Variants in DGKB observed in about 807,000 individuals in gnomAD.
DGKB encodes diacylglycerol kinase beta, also known as 90 kDa diacylglycerol kinase.
DGKB carries 67 observed loss-of-function variants against 114.3 expected under a neutral mutation model. The ratio of observed to expected loss-of-function variants is 0.59; its 90% CI spans 0.48 to 0.72. The LOEUF is 0.72. DGKB is among the 30% of genes least tolerant of loss of function. The probability of loss-of-function intolerance (pLI) is 0.00; values close to 1 mark genes in which losing one functional copy is unlikely to be tolerated. For missense variants in DGKB, 907 were observed against 975.2 expected (o/e 0.93, Z 0.93); for synonymous variants, 398 against 323.1 (o/e 1.23, Z -2.49).
At chr7:14,319,244 A>T (rs1807257638) in intron 23 of DGKB, among the ~76,000 whole-genome samples, 4 of 151,508 alleles carry the variant, frequency 2.6e-5, no homozygotes, top group African/African-American at 9.7e-5. Flanking sequence ...GTATGTAACT[A>T]ACCTGCACAA....
intron 2 of DGKB, among the ~76,000 whole-genome samples, chr7:14,803,460 G>A (rs1842428198): frequency 6.6e-6 from 1 of 152,136 alleles, no homozygotes; most frequent in African/African-American, 2.4e-5. Flanking sequence ...TGATTACAAT[G>A]TAACTAAACA....
In DGKB at chr7:14,768,872, C is replaced by T. The variant is rs187198623; in HGVS notation, c.71-11141G>A. Reference sequence around the variant, plus strand: ...TGTACAAAATGGCACCTTTCACAATCTATGTTCTTACATTGGAACATTTGT... The same window carrying T: ...TGTACAAAATGGCACCTTTCACAATTTATGTTCTTACATTGGAACATTTGT... On this transcript the variant is annotated intron_variant, in intron 2 of 25. Coordinates refer to ENST00000402815, the MANE Select transcript of DGKB (RefSeq NM_001350709.2). 3.8e-3 allele frequency among the ~76,000 whole-genome samples: 580 copies of T among 151,978 alleles called. 4 individuals carry two copies. The highest frequency in any genetic ancestry group is 6.8e-3 in the Middle Eastern group (2 of 294).
intron 2 of DGKB, among the ~76,000 whole-genome samples, chr7:14,781,549 A>G (rs1839088298): frequency 6.6e-6 from 1 of 152,092 alleles, no homozygotes; most frequent in South Asian, 2.1e-4. Context: ...TCTCTTAATC[A>G]CAATTTTTCC....
At chr7:14,216,051 A>G (rs1788906039) in intron 23 of DGKB, among the ~76,000 whole-genome samples, 1 of 152,196 alleles carries the variant, frequency 6.6e-6, no homozygotes. Flanking sequence ...AGCAGATAAC[A>G]TTCTTGCCTT....
At chr7:14,241,099 G>A (rs1349631285) in intron 23 of DGKB, among the ~76,000 whole-genome samples, 3 of 152,132 alleles carry the variant, frequency 2.0e-5, no homozygotes, top group Non-Finnish European at 4.4e-5. Flanking sequence ...CCTAGATTAA[G>A]CCTTTCAGAG....
intron 21 of DGKB, among the ~76,000 whole-genome samples, chr7:14,443,422 C>T (rs1360873349): frequency 6.6e-6 from 1 of 152,086 alleles, no homozygotes. Context: ...TTTAGCACTT[C>T]CTTAAGTGAA....
chr7:14,576,941 T>C (rs190191734), intron 19 of DGKB, among the ~76,000 whole-genome samples: 74 of 152,302 alleles, frequency 4.9e-4, no homozygotes, highest in African/African-American at 1.6e-3. Context: ...GTGATTCACA[T>C]AGATAAACTC....
At chr7:14,536,987 A>C (rs2128608398) in intron 20 of DGKB, among the ~76,000 whole-genome samples, 1 of 152,320 alleles carries the variant, frequency 6.6e-6, no homozygotes, top group Admixed American at 6.5e-5. Flanking sequence ...ATAGGTAGTA[A>C]ACACAGAAAA....
At chr7:14,827,778 T>C (rs1845894758) in intron 2 of DGKB, among the ~76,000 whole-genome samples, 1 of 152,142 alleles carries the variant, frequency 6.6e-6, no homozygotes, top group Non-Finnish European at 1.5e-5. Context: ...GATCCTGTGT[T>C]GTAGACAATG....
chr7:14,654,945 G>T (rs1291351878), intron 13 of DGKB, among the ~76,000 whole-genome samples: 1 of 151,772 alleles, frequency 6.6e-6, no homozygotes, highest in East Asian at 1.9e-4. Flanking sequence ...AACAGAGGGG[G>T]ATTTCTTTGG....
At chr7:14,644,622 G>C (rs1001292057) in intron 13 of DGKB, among the ~76,000 whole-genome samples, 6 of 152,032 alleles carry the variant, frequency 3.9e-5, no homozygotes, top group African/African-American at 1.4e-4. Flanking sequence ...CTTAAAGACA[G>C]ATCTTTTGAA....
At chr7:14,199,552 C>T (rs1432767284) in intron 23 of DGKB, among the ~76,000 whole-genome samples, 3 of 151,932 alleles carry the variant, frequency 2.0e-5, no homozygotes, top group Non-Finnish European at 4.4e-5. Flanking sequence ...AACTTAGAAG[C>T]AGAAATAAAA....
intron 20 of DGKB, among the ~76,000 whole-genome samples, chr7:14,550,130 A>C (rs1462999218): frequency 6.6e-6 from 1 of 152,192 alleles, no homozygotes; most frequent in Non-Finnish European, 1.5e-5. Context: ...ACAGATAAAA[A>C]CAAATTATTC....
intron 1 of DGKB, among the ~76,000 whole-genome samples, chr7:14,970,870 G>A (rs942858801): frequency 7.9e-5 from 12 of 152,170 alleles, no homozygotes; most frequent in African/African-American, 2.9e-4. Context: ...AGGCTGGAGT[G>A]CAGATGGACA....
chr7:14,904,488 A>T (rs1783563570), upstream of DGKB, among the ~76,000 whole-genome samples: 1 of 152,268 alleles, frequency 6.6e-6, no homozygotes. Context: ...AAGGAAGAAA[A>T]TAACCCAAAA....
chr7:14,328,587 G>A (rs1334946887), intron 23 of DGKB, among the ~76,000 whole-genome samples: 1 of 151,930 alleles, frequency 6.6e-6, no homozygotes, highest in Non-Finnish European at 1.5e-5. Context: ...CTCTCAACGA[G>A]GAGCAATCTT....
At chr7:14,564,179 T>A (rs2128679665) in intron 20 of DGKB, among the ~76,000 whole-genome samples, 1 of 152,338 alleles carries the variant, frequency 6.6e-6, no homozygotes, top group South Asian at 2.1e-4. Context: ...GTTAAGCCAC[T>A]GCCTGTATTC....
At chr7:14,262,672 G>T (rs1207925966) in intron 23 of DGKB, among the ~76,000 whole-genome samples, 1 of 152,158 alleles carries the variant, frequency 6.6e-6, no homozygotes, top group African/African-American at 2.4e-5. Flanking sequence ...TCAGAGCCAG[G>T]CATCTTTCTC....
intron 21 of DGKB, among the ~76,000 whole-genome samples, chr7:14,408,388 C>T (rs6962861): frequency 0.74 from 113,137 of 151,896 alleles, 42,726 homozygotes; most frequent in Non-Finnish European, 0.81. Flanking sequence ...TTTATGTGAC[C>T]GGTATGGTTC....
Sources: gnomAD v4.1 joint callset for allele counts (sites outside exome capture counted in the v4.1 genomes callset) on GRCh38, gnomAD v4.1.1 for gene constraint, MANE v1.5 for transcripts, NCBI Gene and HGNC (gene_info 2026-07-23, HGNC 2026-07-21) for gene names.